Variants in ACADS observed in about 807,000 individuals in gnomAD.
ACADS encodes short-chain specific acyl-CoA dehydrogenase, mitochondrial.
In ACADS, 28 loss-of-function variants were observed where a neutral mutation model predicts 46.8. The observed-to-expected ratio is 0.60, with a 90% confidence interval of 0.44 to 0.82. ACADS has a LOEUF of 0.82. Among genes scored for constraint, ACADS ranks in the 40% least tolerant of loss-of-function variants. ACADS has a pLI of 0.00. For synonymous variants in ACADS, 236 were observed against 237.7 expected (o/e 0.99, Z 0.07); for missense variants, 528 against 578.0 (o/e 0.91, Z 0.89).
rs1218042462 is a variant in ACADS, at chr12:120,737,673, C to G, written c.473-164C>G. ...TTTAAGACGCCAGCTCCTGCACACCCCCCTCGCCCTCTGGTCCCATCACTG... is the reference window on the plus strand; with the variant it reads ...TTTAAGACGCCAGCTCCTGCACACCGCCCTCGCCCTCTGGTCCCATCACTG... On this transcript the variant is annotated intron_variant, in intron 4 of 9. Transcript: ENST00000242592. The G allele has an allele frequency of 1.6e-5, 18 of 1,135,028 alleles. No individual in the cohort carries two copies. The East Asian group carries it at 4.6e-4, about 29-fold the overall frequency. 70.3% of individuals were successfully genotyped at this position (1,135,028 alleles called of 1,614,324 possible).
rs901637739 is a variant in ACADS, at chr12:120,728,662, A to G, written c.210+1473A>G. 6.6e-6 allele frequency among the ~76,000 whole-genome samples: 1 copy of G among 151,518 alleles called. No individual in the cohort carries two copies. Among genetic ancestry groups the G allele is most frequent in the African/African-American group, 2.4e-5 (1 of 41,204 alleles). On this transcript the variant is annotated intron_variant, in intron 2 of 9. Transcript: ENST00000242592. The surrounding 1 kb of genome is among the most constrained non-coding windows in gnomAD (Gnocchi z 4.0). ...GCTGGGATTACAGGCGCACACCACC[A>G]TACCCGGCTAATTTTATGTATTTTA...
At chr12:120,726,219 G>C (rs917647268) in intron 1 of ACADS, among the ~76,000 whole-genome samples, 1 of 151,554 alleles carries the variant, frequency 6.6e-6, no homozygotes, top group African/African-American at 2.4e-5. Context: ...GAGGTTCAGG[G>C]TGCGTCCTTC....
rs1158892238 is a variant in ACADS, at chr12:120,737,133, A to G, written c.358A>G (p.Asn120Asp). Residue 120 changes from asparagine (N) to aspartate (D), a missense_variant and splice_region_variant, in exon 3 of 10, where the codon AAC becomes GAC. By Grantham distance (23) the Asn-to-Asp change is conservative (BLOSUM62 1). Coordinates refer to ENST00000242592, the MANE Select transcript of ACADS (RefSeq NM_000017.4). ...CACCGGAGTCATCATGAGTGTCAAC[A>G]ACGTGAGCCCCCTCCCAGGCCCCTG... ...ASTGVIMSVN[N>D]SLYLGPILKF... The G allele has an allele frequency of 5.1e-6, 8 of 1,581,680 alleles. No homozygotes were observed. The highest frequency in any genetic ancestry group is 1.8e-5 in the Admixed American group (1 of 55,812).
At chr12:120,738,158 G>A in intron 5 of ACADS, 122 bp from the exon 6 acceptor site, 1 of 1,576,734 alleles carries the variant, frequency 6.3e-7, no homozygotes, top group Non-Finnish European at 8.6e-7. Context: ...GAAGCCGGCA[G>A]AGGGTGTCAA....
intron 1 of ACADS, 130 bp from the exon 2 acceptor site, chr12:120,726,896 C>G (rs983210963): frequency 6.3e-5 from 66 of 1,053,754 alleles, no homozygotes; most frequent in Non-Finnish European, 9.2e-5. Flanking sequence ...GTTGTGACAA[C>G]TAGAACTGGC....
intron 8 of ACADS, 41 bp downstream of exon 8, chr12:120,738,956 G>T (rs775376445): frequency 9.1e-5 from 147 of 1,610,252 alleles, no homozygotes; most frequent in Admixed American, 1.2e-4. Context: ...AGAATGTGGT[G>T]GGCCCAGGGA....
chr12:120,737,361 C>T lies in ACADS; in HGVS notation c.366C>T (p.Leu122=). 1.9e-6 allele frequency: 3 copies of T among 1,613,974 alleles called. No homozygotes were observed. The highest frequency in any genetic ancestry group is 2.2e-5 in the East Asian group (1 of 44,882). ...TGVIMSVNNS[L]YLGPILKFGS... Reference sequence around the variant, plus strand: ...GCTCCCCGCTGTCCTCCTAGTCTCTCTACCTGGGGCCCATCTTGAAGTTTG... The same window carrying T: ...GCTCCCCGCTGTCCTCCTAGTCTCTTTACCTGGGGCCCATCTTGAAGTTTG... The change falls in exon 4 of 10, where the codon CTC becomes CTT. Residue 122 remains leucine (L), a synonymous_variant. Transcript: ENST00000242592.
chr12:120,731,892 G>A (rs1178963518), intron 2 of ACADS, among the ~76,000 whole-genome samples: 5 of 152,014 alleles, frequency 3.3e-5, no homozygotes, highest in African/African-American at 1.2e-4. Context: ...ATCTTGCACC[G>A]CCCTTAATCC....
rs1465746109 is a variant in ACADS at position 120,735,165 on chromosome 12, G to A, written c.211-1821G>A. On this transcript the variant is annotated intron_variant, in intron 2 of 9. Transcript: ENST00000242592. Reference sequence around the variant, plus strand: ...CAGGCACCTGTAATCCCAGCTACTCGGGAGGCTGAGGCAGGAGAATCACTT... The same window carrying A: ...CAGGCACCTGTAATCCCAGCTACTCAGGAGGCTGAGGCAGGAGAATCACTT... 9.4e-5 allele frequency among the ~76,000 whole-genome samples: 14 copies of A among 148,644 alleles called. 1 individual carries two copies. The highest frequency in any genetic ancestry group is 2.7e-4 in the African/African-American group (11 of 40,554).
chr12:120,732,058 A>T (rs1399210966), intron 2 of ACADS, among the ~76,000 whole-genome samples: 1 of 152,234 alleles, frequency 6.6e-6, no homozygotes, highest in Non-Finnish European at 1.5e-5. Flanking sequence ...CACAGCAACC[A>T]TCCGATTTCT....
At position 120,736,990 on chromosome 12, in the gene ACADS, A is replaced by G. The variant is rs142476255; in HGVS notation, c.215A>G (p.Lys72Arg). The change falls in exon 3 of 10, where the codon AAG becomes AGG. Residue 72 changes from lysine to arginine, a missense_variant. Physicochemically the swap from Lys to Arg is conservative, Grantham distance 26 (BLOSUM62 2). Transcript: ENST00000242592. ...KEHLFPAAQV[K>R]KMGGLGLLAM... ...GCCGTCCTTCCCTGTGCCCAGGTGA[A>G]GAAGATGGGCGGGCTTGGGCTTCTG... The G allele has an allele frequency of 3.1e-6, 5 of 1,607,384 alleles. No homozygotes were observed. The African/African-American group carries it at 5.3e-5, about 17-fold the overall frequency.
At chr12:120,730,096 C>A (rs1053967900) in intron 2 of ACADS, among the ~76,000 whole-genome samples, 1 of 152,144 alleles carries the variant, frequency 6.6e-6, no homozygotes, top group African/African-American at 2.4e-5. Context: ...AATTTTCCTG[C>A]CTCAGCCTCC....
chr12:120,726,092 C>G (rs1242315650), intron 1 of ACADS, among the ~76,000 whole-genome samples, 161 bp downstream of exon 1: 3 of 150,638 alleles, frequency 2.0e-5, no homozygotes, highest in African/African-American at 7.3e-5. Flanking sequence ...TGCGCCGACC[C>G]AGCCCGGCCC....
chr12:120,736,430 G>T (rs1453358642), intron 2 of ACADS, among the ~76,000 whole-genome samples: 1 of 152,236 alleles, frequency 6.6e-6, no homozygotes, highest in Non-Finnish European at 1.5e-5. Context: ...ATCCAGAGAA[G>T]CACGTTCATC....
At position 120,728,667 on chromosome 12, in the gene ACADS, CG is replaced by C. The variant is rs1288518276; in HGVS notation, c.210+1480del. ...GATTACAGGCGCACACCACCATACC[CG>C]GCTAATTTTATGTATTTTAGTAGAG... is the stretch of plus-strand genomic sequence containing the variant. On this transcript the variant is annotated intron_variant, in intron 2 of 9. Transcript: ENST00000242592. This position sits in a 1 kb window ranked among gnomAD's most constrained non-coding sequence, Gnocchi z 4.0. Among the ~76,000 whole-genome samples, 3 of 151,660 alleles carry C rather than the reference CG, an allele frequency of 2.0e-5. No homozygotes were observed. Among genetic ancestry groups the C allele is most frequent in the African/African-American group, 7.3e-5 (3 of 41,248 alleles).
chr12:120,734,088 G>A (rs34673751), intron 2 of ACADS, among the ~76,000 whole-genome samples: 33,107 of 152,000 alleles, frequency 0.22, 4,317 homozygotes, highest in Middle Eastern at 0.35. Flanking sequence ...TGCTTCCGTC[G>A]TCACCTCTCC....
intron 2 of ACADS, among the ~76,000 whole-genome samples, chr12:120,733,290 G>A (rs1440538353): frequency 3.3e-5 from 5 of 150,292 alleles, no homozygotes; most frequent in East Asian, 2.0e-4. Context: ...TAGTAGAGAC[G>A]GGGTTTTACC....
At chr12:120,737,325 G>A in intron 3 of ACADS, 31 bp from the exon 4 acceptor site, 7 of 1,603,880 alleles carry the variant, frequency 4.4e-6, no homozygotes, top group Non-Finnish European at 6.0e-6. Flanking sequence ...CTGGGCCTGG[G>A]GCCTCCGACC....
Position 120,737,140 on chromosome 12 carries a change from GC to G in ACADS, c.360+10del, listed in dbSNP as rs1883475956. On this transcript the variant is annotated splice_donor_region_variant and intron_variant, in intron 3 of 9. Transcript: ENST00000242592. ...GTCATCATGAGTGTCAACAACGTGA[GC>G]CCCCTCCCAGGCCCCTGGGACACAC... is the stretch of plus-strand genomic sequence containing the variant. The G allele has an allele frequency of 6.3e-7, 1 of 1,576,590 alleles. No homozygotes were observed. The highest frequency in any genetic ancestry group is 1.3e-5 in the African/African-American group (1 of 74,290).
Sources: allele counts gnomAD v4.1 joint callset (sites outside exome capture counted in the v4.1 genomes callset), GRCh38; gene constraint gnomAD v4.1.1; non-coding constraint Gnocchi (gnomAD v3.1); transcripts MANE v1.5; gene names NCBI Gene and HGNC (gene_info 2026-07-23, HGNC 2026-07-21).